The following CCL28 variants were observed in gnomAD, a reference collection of about 807,000 sequenced individuals.
The protein encoded by CCL28 is C-C motif chemokine ligand 28.
Under a neutral mutation model 7.1 loss-of-function variants are expected in CCL28, and 4 were observed. The ratio of observed to expected loss-of-function variants is 0.56; its 90% CI spans 0.28 to 1.29. The LOEUF (loss-of-function observed/expected upper bound fraction) is 1.29, where lower values mean the gene tolerates loss of function less well. CCL28 is among the 50% of genes most tolerant of loss of function. CCL28 has a pLI of 0.11. For synonymous variants in CCL28, 55 were observed against 57.8 expected (o/e 0.95, Z 0.22); for missense variants, 151 against 163.4 (o/e 0.92, Z 0.41).
chr5:43,396,513 C>T lies in CCL28; in HGVS notation c.65-8037G>A, dbSNP rs571817013. Among the ~76,000 whole-genome samples the T allele has an allele frequency of 1.8e-3, 275 of 152,100 alleles. 2 individuals carry two copies. Among genetic ancestry groups the T allele is most frequent in the African/African-American group, 6.4e-3 (265 of 41,454 alleles). On this transcript the variant is annotated intron_variant, in intron 1 of 2. Coordinates refer to ENST00000361115, the MANE Select transcript of CCL28 (RefSeq NM_148672.3). ...TGCATTGCAGCCTGGGCGACAGAGA[C>T]CTTGTCTCTAATAATAAATAAATGT...
At chr5:43,375,824 T>C (rs892419266), downstream of CCL28, among the ~76,000 whole-genome samples, 1 of 152,010 alleles carries the variant, frequency 6.6e-6, no homozygotes, top group Non-Finnish European at 1.5e-5. Context: ...TGTGTGCCTG[T>C]AATGCCAACT....
chr5:43,399,110 C>A (rs1740932092), intron 1 of CCL28, among the ~76,000 whole-genome samples: 1 of 152,236 alleles, frequency 6.6e-6, no homozygotes, highest in South Asian at 2.1e-4. Context: ...AGAGCCGCAA[C>A]TGAAGACATC....
intron 2 of CCL28, among the ~76,000 whole-genome samples, chr5:43,387,292 C>T (rs951057682): frequency 3.9e-5 from 6 of 152,208 alleles, no homozygotes; most frequent in African/African-American, 1.4e-4. Flanking sequence ...ACAAGTGAAC[C>T]GTGTAACCTG....
At chr5:43,403,119 C>G (rs905285274) in intron 1 of CCL28, among the ~76,000 whole-genome samples, 1 of 152,244 alleles carries the variant, frequency 6.6e-6, no homozygotes, top group African/African-American at 2.4e-5. Context: ...GCAGAAACTT[C>G]TGCAGACTTA....
At chr5:43,407,383 G>C (rs1396993051) in intron 1 of CCL28, among the ~76,000 whole-genome samples, 1 of 152,178 alleles carries the variant, frequency 6.6e-6, no homozygotes, top group Non-Finnish European at 1.5e-5. Flanking sequence ...ACAAAAATAA[G>C]AAATGGGGAA....
intron 2 of CCL28, 72 bp from the exon 3 acceptor site, chr5:43,382,124 G>A (rs1354838594): frequency 7.4e-7 from 1 of 1,358,416 alleles, no homozygotes; most frequent in South Asian, 1.4e-5. Flanking sequence ...TGACTTACAT[G>A]CAGCTCCCAC....
At chr5:43,382,243 A>T (rs540751330) in intron 2 of CCL28, among the ~76,000 whole-genome samples, 191 bp from the exon 3 acceptor site, 1 of 152,340 alleles carries the variant, frequency 6.6e-6, no homozygotes, top group East Asian at 1.9e-4. Context: ...TTTTGACTTT[A>T]CAAACACTGC....
rs750193455 is a variant in CCL28, at chr5:43,412,256, C to T, written c.61G>A (p.Glu21Lys). 1 of 1,611,616 alleles carries T rather than the reference C, an allele frequency of 6.2e-7. No individual in the cohort carries two copies. The highest frequency in any genetic ancestry group is 8.5e-7 in the Non-Finnish European group (1 of 1,178,652). ...LAVCAALHAS[E>K]AILPIASSCC... ...AGTGTCCAGTGCCCCCACTCACCTTCTGAGGCATGTAGGGCCGCACAGACA... is the reference window on the plus strand; with the variant it reads ...AGTGTCCAGTGCCCCCACTCACCTTTTGAGGCATGTAGGGCCGCACAGACA... The change falls in exon 1 of 3, where the codon GAA (glutamate) becomes AAA (lysine). Residue 21 changes from glutamate to lysine, a missense_variant. By Grantham distance (56) the Glu-to-Lys change is moderately conservative. Transcript: ENST00000361115.
intron 1 of CCL28, among the ~76,000 whole-genome samples, chr5:43,409,607 A>G (rs1741451185): frequency 6.6e-6 from 1 of 152,048 alleles, no homozygotes; most frequent in Admixed American, 6.6e-5. Context: ...ACAAAAGGTA[A>G]ACGTTTTAGG....
the CCL28 span, among the ~76,000 whole-genome samples, chr5:43,364,958 A>G: frequency 3.4e-4 from 51 of 148,240 alleles, no homozygotes; most frequent in South Asian, 4.2e-4. Context: ...GTGTCTCTGC[A>G]TGTGAGATGC....
chr5:43,403,291 G>A (rs751395481), intron 1 of CCL28, among the ~76,000 whole-genome samples: 34 of 152,282 alleles, frequency 2.2e-4, no homozygotes, highest in Non-Finnish European at 3.7e-4. Flanking sequence ...TCATACAGCC[G>A]GGTGACCCTC....
At chr5:43,374,386 A>AT (rs1739841845), downstream of CCL28, among the ~76,000 whole-genome samples, 1 of 152,224 alleles carries the variant, frequency 6.6e-6, no homozygotes, top group Non-Finnish European at 1.5e-5. Flanking sequence ...GGAAACAATG[A>AT]TTTTATCATT....
At chr5:43,374,945 A>G (rs1739856132), downstream of CCL28, among the ~76,000 whole-genome samples, 1 of 152,150 alleles carries the variant, frequency 6.6e-6, no homozygotes, top group South Asian at 2.1e-4. Flanking sequence ...AGTGAAGTTT[A>G]ATGGCATTAC....
At chr5:43,406,452 T>C (rs552271178) in intron 1 of CCL28, among the ~76,000 whole-genome samples, 137 of 152,144 alleles carry the variant, frequency 9.0e-4, no homozygotes, top group African/African-American at 3.2e-3. Flanking sequence ...CAACAACTCT[T>C]CATGCTAAAA....
intron 1 of CCL28, among the ~76,000 whole-genome samples, chr5:43,402,961 G>T (rs921717497): frequency 1.3e-5 from 2 of 152,242 alleles, no homozygotes; most frequent in Non-Finnish European, 2.9e-5. Context: ...TGAGGCTGGG[G>T]GAAGGGCGTC....
rs1476531389 is a variant in CCL28, at chr5:43,380,555, C to CT, written c.*1304dup. The CT allele has an allele frequency of 1.3e-5, 2 of 152,160 alleles. No individual in the cohort carries two copies. Among genetic ancestry groups the CT allele is most frequent in the African/African-American group, 4.8e-5 (2 of 41,440 alleles). 9.4% of individuals were successfully genotyped at this position (152,160 alleles called of 1,614,324 possible). A position where few individuals can be genotyped will look rare whatever the true frequency, so the allele number is the denominator to read the frequency against. The stretch of plus-strand genomic sequence containing the variant: ...GTGGCTCACACCTATAATCCCAGTA[C>CT]TTTGGGAGGCTAAGGTGGGAGGATC... On this transcript the variant is annotated 3_prime_UTR_variant, in exon 3 of 3. Transcript: ENST00000361115.
intron 1 of CCL28, among the ~76,000 whole-genome samples, chr5:43,391,426 A>C (rs1463711200): frequency 1.3e-5 from 2 of 152,234 alleles, no homozygotes; most frequent in Non-Finnish European, 2.9e-5. Flanking sequence ...CTTTCTATGG[A>C]AACTTTAAAA....
At chr5:43,411,911 C>G (rs1741548148) in intron 1 of CCL28, among the ~76,000 whole-genome samples, 1 of 152,174 alleles carries the variant, frequency 6.6e-6, no homozygotes, top group African/African-American at 2.4e-5. Flanking sequence ...TGGAGGAAGA[C>G]AGATGAATAG....
At chr5:43,385,694 ACT>A (rs1482060635) in intron 2 of CCL28, among the ~76,000 whole-genome samples, 4 of 152,134 alleles carry the variant, frequency 2.6e-5, no homozygotes, top group Admixed American at 6.5e-5. Context: ...GGTCATAACA[ACT>A]CTGTATTTTT....
Sources: allele counts gnomAD v4.1 joint callset (sites outside exome capture counted in the v4.1 genomes callset), GRCh38; gene constraint gnomAD v4.1.1; transcripts MANE v1.5; gene names NCBI Gene and HGNC (gene_info 2026-07-23, HGNC 2026-07-21).